The following HOMER2 variants were observed in gnomAD, a reference collection of about 807,000 sequenced individuals.
HOMER2 encodes the protein homer scaffold protein 2.
Under a neutral mutation model 47.0 loss-of-function variants are expected in HOMER2, and 27 were observed. That is an observed-to-expected ratio of 0.57 (90% CI 0.42 to 0.79). The LOEUF (loss-of-function observed/expected upper bound fraction) is 0.79, where lower values mean the gene tolerates loss of function less well. Among genes scored for constraint, HOMER2 ranks in the 30% least tolerant of loss-of-function variants. The pLI is 0.00. For missense variants in HOMER2, 443 were observed against 435.0 expected (o/e 1.02, Z -0.16); for synonymous variants, 161 against 163.8 (o/e 0.98, Z 0.13).
downstream of HOMER2, among the ~76,000 whole-genome samples, chr15:82,848,616 C>A (rs745606595): frequency 2.0e-5 from 3 of 152,326 alleles, no homozygotes; most frequent in East Asian, 1.9e-4. Context: ...CTCTCTCCCC[C>A]CGAAATGCCT....
upstream of HOMER2, among the ~76,000 whole-genome samples, chr15:82,955,422 G>C (rs1034220875): frequency 3.9e-5 from 6 of 151,932 alleles, no homozygotes; most frequent in African/African-American, 1.5e-4. Flanking sequence ...GCCTGCCTCG[G>C]CCTCCCAAAG....
intron 1 of HOMER2, among the ~76,000 whole-genome samples, chr15:82,968,840 G>A (rs2054699992): frequency 6.6e-6 from 1 of 152,146 alleles, no homozygotes; most frequent in African/African-American, 2.4e-5. Context: ...TCAGCTTCGA[G>A]GCTGATCATA....
At chr15:82,939,478 C>T (rs8034220) in intron 1 of HOMER2, among the ~76,000 whole-genome samples, 79,375 of 151,878 alleles carry the variant, frequency 0.52, 20,943 homozygotes, top group Admixed American at 0.6. Flanking sequence ...ACCAGCCTGG[C>T]CAACATGGCA....
At chr15:82,954,174 A>C (rs1490582516), upstream of HOMER2, among the ~76,000 whole-genome samples, 3 of 152,224 alleles carry the variant, frequency 2.0e-5, no homozygotes, top group African/African-American at 7.2e-5. Flanking sequence ...ATATCAGGAA[A>C]GTGAGCTTGT....
chr15:82,919,194 G>A (rs1361152545), intron 1 of HOMER2, among the ~76,000 whole-genome samples: 1 of 152,220 alleles, frequency 6.6e-6, no homozygotes, highest in Non-Finnish European at 1.5e-5. Context: ...TAGCCCCTCT[G>A]TGCTTCTGGA....
Position 82,904,027 on chromosome 15 carries a change from C to T in HOMER2, c.6-11186G>A, listed in dbSNP as rs149158356. 3.3e-5 allele frequency among the ~76,000 whole-genome samples: 5 copies of T among 152,254 alleles called. No individual in the cohort carries two copies. The East Asian group carries it at 9.7e-4, about 30-fold the overall frequency. ...TGGCCCACACCTGTAATCTCAGCTA[C>T]TCGAGAGGCTGAGGTGGGAGGATCG... On this transcript the variant is annotated intron_variant, in intron 1 of 8. Coordinates refer to ENST00000450735, the MANE Select transcript of HOMER2 (RefSeq NM_004839.4).
intron 1 of HOMER2, among the ~76,000 whole-genome samples, chr15:82,973,209 T>C (rs1299928519): frequency 6.6e-6 from 1 of 152,298 alleles, no homozygotes; most frequent in Admixed American, 6.5e-5. Flanking sequence ...CACAGAGCAA[T>C]CTTGACCACC....
At chr15:82,966,096 G>C (rs1017810925) in intron 1 of HOMER2, among the ~76,000 whole-genome samples, 1 of 152,074 alleles carries the variant, frequency 6.6e-6, no homozygotes, top group Non-Finnish European at 1.5e-5. Flanking sequence ...GTGAGACCCT[G>C]TCCCCTAAAA....
Position 82,849,445 on chromosome 15 carries a change from T to A in HOMER2, c.*270A>T. 2.0e-6 allele frequency: 1 copy of A among 488,758 alleles called. No individual in the cohort carries two copies. The highest frequency in any genetic ancestry group is 3.2e-5 in the South Asian group (1 of 31,126). The allele number at this position is 488,758 out of a possible 1,614,324, so 30.3% of individuals were successfully genotyped here. A position where few individuals can be genotyped will look rare whatever the true frequency, so the allele number is the denominator to read the frequency against. On this transcript the variant is annotated 3_prime_UTR_variant, in exon 9 of 9. Transcript: ENST00000450735. The stretch of plus-strand genomic sequence containing the variant: ...ACAGCCCTTATGAAAGATATAAACA[T>A]CCCTGCCCTGACTGCATAAATGTTG...
At chr15:82,872,045 C>T (rs941998056) in intron 3 of HOMER2, among the ~76,000 whole-genome samples, 6 of 152,070 alleles carry the variant, frequency 3.9e-5, no homozygotes, top group East Asian at 3.9e-4. Context: ...CCAGGGATCA[C>T]GTCTTGGACA....
exon 2 of HOMER2, chr15:82,839,618 T>A (rs2051156539): frequency 1.3e-5 from 2 of 152,162 alleles, no homozygotes; most frequent in Admixed American, 1.3e-4. Flanking sequence ...ATTTTTTCCC[T>A]TAAATATAAA....
At position 82,854,813 on chromosome 15, in the gene HOMER2, G is replaced by A; in HGVS notation, c.495-13C>T. Reference sequence around the variant, plus strand: ...CACGTTGGCTGCGCTGCAGGACAGGGACGGGCGGTGACGACGGGGTGGGTG... The same window carrying A: ...CACGTTGGCTGCGCTGCAGGACAGGAACGGGCGGTGACGACGGGGTGGGTG... On this transcript the variant is annotated splice_polypyrimidine_tract_variant and intron_variant, in intron 5 of 8. Transcript: ENST00000450735. The A allele has an allele frequency of 2.5e-6, 4 of 1,602,116 alleles. No homozygotes were observed. Among genetic ancestry groups the A allele is most frequent in the African/African-American group, 1.3e-5 (1 of 74,972 alleles).
intron 1 of HOMER2, among the ~76,000 whole-genome samples, chr15:82,949,602 G>A (rs2054461287): frequency 6.6e-6 from 1 of 152,276 alleles, no homozygotes; most frequent in African/African-American, 2.4e-5. Flanking sequence ...AAAGTGAATG[G>A]AGCCAGTGGG....
chr15:82,847,971 C>T (rs1442627894), downstream of HOMER2, among the ~76,000 whole-genome samples: 3 of 152,204 alleles, frequency 2.0e-5, no homozygotes, highest in Admixed American at 6.5e-5. Flanking sequence ...TACCCCGAAT[C>T]ACAAAGATGG....
rs1256454 is a variant in HOMER2, at chr15:82,875,206, C to T, written c.294+67G>A. ...TGCTCACCAAGGGCACATCCCTCGG[C>T]GGGCAATCACTGATGAGAATGGCAT... On this transcript the variant is annotated intron_variant, in intron 3 of 8. Coordinates refer to ENST00000450735, the MANE Select transcript of HOMER2 (RefSeq NM_004839.4). 719,447 of 1,554,862 alleles carry T rather than the reference C, an allele frequency of 0.46. 167,452 individuals carry two copies. The highest frequency in any genetic ancestry group is 0.6 in the East Asian group (26,640 of 44,228).
intron 2 of HOMER2, among the ~76,000 whole-genome samples, chr15:82,877,121 A>G (rs1342407768): frequency 6.6e-6 from 1 of 152,214 alleles, no homozygotes; most frequent in African/African-American, 2.4e-5. Flanking sequence ...GCATACGACT[A>G]TTCCTTCATT....
intron 1 of HOMER2, among the ~76,000 whole-genome samples, chr15:82,947,506 C>T (rs1466574757): frequency 2.0e-5 from 3 of 152,204 alleles, no homozygotes; most frequent in Admixed American, 2.0e-4. Context: ...AAAGTCACAA[C>T]AGTAGACAAG....
chr15:82,869,180 TACC>T (rs2052094903), intron 3 of HOMER2, among the ~76,000 whole-genome samples: 2 of 152,154 alleles, frequency 1.3e-5, no homozygotes, highest in Admixed American at 6.5e-5. Context: ...TGTTTTCTTC[TACC>T]ACCAACTCAC....
downstream of HOMER2, among the ~76,000 whole-genome samples, chr15:82,848,293 GAGA>G (rs1273622724): frequency 6.6e-6 from 1 of 152,186 alleles, no homozygotes; most frequent in African/African-American, 2.4e-5. Context: ...ACGTCCATGG[GAGA>G]AGGTTTCTAG....
Sources: gnomAD v4.1 joint callset for allele counts (sites outside exome capture counted in the v4.1 genomes callset) on GRCh38, gnomAD v4.1.1 for gene constraint, MANE v1.5 for transcripts, NCBI Gene and HGNC (gene_info 2026-07-23, HGNC 2026-07-21) for gene names.